Variants in ANO7 observed in about 807,000 individuals in gnomAD.
The protein encoded by ANO7 is anoctamin-7.
ANO7 carries 114 observed loss-of-function variants against 115.8 expected under a neutral mutation model. That is an observed-to-expected ratio of 0.98 (90% confidence interval 0.85 to 1.15). The LOEUF is 1.15. ANO7 is among the 50% of genes most tolerant of loss of function. ANO7 has a pLI of 0.00. For missense variants in ANO7, 1,302 were observed against 1,201.2 expected, an observed-to-expected ratio of 1.08 and a Z score of -1.24; for synonymous variants, 550 against 498.2, an observed-to-expected ratio of 1.10 and a Z score of -1.38.
chr2:241,221,636 C>G (rs563905431), intron 21 of ANO7, among the ~76,000 whole-genome samples: 93 of 151,064 alleles, frequency 6.2e-4, no homozygotes, highest in Non-Finnish European at 8.5e-4. Flanking sequence ...CTTCAGCCTC[C>G]CAAAGTGTTG....
the ANO7 span, chr2:241,240,196 G>T: frequency 7.0e-7 from 1 of 1,435,402 alleles, no homozygotes; most frequent in Admixed American, 1.7e-5. The surrounding 1 kb of genome is among the most constrained non-coding windows in gnomAD (Gnocchi z 5.5). Flanking sequence ...AAGAGGGTCT[G>T]TAGGACAGCA....
chr2:241,229,877 A>T, downstream of ANO7: 1 of 1,589,828 alleles, frequency 6.3e-7, no homozygotes, highest in Non-Finnish European at 8.6e-7. Flanking sequence ...CGCACCACAA[A>T]GCCTCTGGAA....
intron 21 of ANO7, among the ~76,000 whole-genome samples, chr2:241,219,584 T>G (rs186068294): frequency 9.1e-4 from 139 of 152,146 alleles, no homozygotes; most frequent in Middle Eastern, 3.4e-3. Context: ...TCTTTTTTTT[T>G]AGAGACTGGG....
chr2:241,230,840 G>A (rs780186842), downstream of ANO7: 57 of 1,614,062 alleles, frequency 3.5e-5, no homozygotes, highest in Admixed American at 3.2e-4. The surrounding 1 kb of genome is among the most constrained non-coding windows in gnomAD (Gnocchi z 5.0). Flanking sequence ...CCAGCGGGAC[G>A]TCCTCAGAAA....
rs746864688 is a variant in ANO7 at position 241,203,504 on chromosome 2, T to TC, written c.889+13dup. 3.2e-5 allele frequency: 47 copies of TC among 1,463,520 alleles called. No individual in the cohort carries two copies. The Middle Eastern group carries it at 5.5e-4, about 17-fold the overall frequency. 90.7% of individuals were successfully genotyped at this position (1,463,520 alleles called of 1,614,324 possible). A position where few individuals can be genotyped will look rare whatever the true frequency, so the allele number is the denominator to read the frequency against. Reference sequence around the variant, plus strand: ...CCTCTACTTCGCCTGGCTCGGTGAGTCCCCCCCGCTGCCCCCCAGACCACC... The same window carrying TC: ...CCTCTACTTCGCCTGGCTCGGTGAGTCCCCCCCCGCTGCCCCCCAGACCACC... On this transcript the variant is annotated splice_region_variant and intron_variant, in intron 9 of 24. Coordinates refer to ENST00000674324, the MANE Select transcript of ANO7 (RefSeq NM_001370694.2). The surrounding 1 kb of genome is among the most constrained non-coding windows in gnomAD (Gnocchi z 4.8).
chr2:241,230,176 T>G, downstream of ANO7: 1 of 1,613,508 alleles, frequency 6.2e-7, no homozygotes, highest in Non-Finnish European at 8.5e-7. This position sits in a 1 kb window ranked among gnomAD's most constrained non-coding sequence, Gnocchi z 5.0. Context: ...AGATTGAGGA[T>G]GTGGTCGATG....
chr2:241,217,761 G>A lies in ANO7; in HGVS notation c.2048G>A (p.Trp683Ter), dbSNP rs1358595154. 1 of 1,608,694 alleles carries A rather than the reference G, an allele frequency of 6.2e-7. No individual in the cohort carries two copies. Among genetic ancestry groups the A allele is most frequent in the African/African-American group, 1.3e-5 (1 of 74,996 alleles). ...CCGCTCTTCGCCCTGCTCAACAACT[G>A]GGTGGAGATCCGCTTGGACGCGCGC... ...LAPLFALLNNWVEIRLDARKF... is the reference protein window; with the variant it reads ...LAPLFALLNN Residue 683 changes from tryptophan (W) to a stop codon, truncating the protein, a stop_gained, in exon 20 of 25, where the codon TGG (tryptophan) becomes TAG (stop). Coordinates refer to ENST00000674324, the MANE Select transcript of ANO7 (RefSeq NM_001370694.2). LOFTEE classifies it high-confidence loss of function.
intron 11 of ANO7, among the ~76,000 whole-genome samples, chr2:241,208,018 G>A (rs778523386): frequency 1.3e-5 from 2 of 152,104 alleles, no homozygotes; most frequent in East Asian, 3.9e-4. Flanking sequence ...AAGGTTTTGA[G>A]CAGAATTCCC....
At chr2:241,235,086 G>C in the ANO7 span, 2 of 1,605,774 alleles carry the variant, frequency 1.2e-6, no homozygotes. Flanking sequence ...TGAGCACCAT[G>C]GCTCTGGGCA....
chr2:241,205,824 C>T (rs2068579843), intron 10 of ANO7, among the ~76,000 whole-genome samples: 1 of 78,370 alleles, frequency 1.3e-5, no homozygotes, highest in Non-Finnish European at 2.5e-5. Context: ...AGGAGTGCTC[C>T]CAGGCTGACA....
intron 13 of ANO7, among the ~76,000 whole-genome samples, chr2:241,210,087 A>G (rs2149218132): frequency 6.6e-6 from 1 of 152,218 alleles, no homozygotes; most frequent in Admixed American, 6.5e-5. Flanking sequence ...CCAGCCTCTA[A>G]CTCTAACCCC....
intron 11 of ANO7, among the ~76,000 whole-genome samples, chr2:241,209,042 G>A (rs943815644): frequency 1.1e-4 from 16 of 152,352 alleles, no homozygotes; most frequent in African/African-American, 2.9e-4. Context: ...CCAGCTACTT[G>A]GGAGGCTGAG....
the ANO7 span, among the ~76,000 whole-genome samples, chr2:241,234,569 A>G: frequency 6.6e-6 from 1 of 152,212 alleles, no homozygotes; most frequent in African/African-American, 2.4e-5. Context: ...AGTCTGCTCC[A>G]AGTTCCAGAA....
the ANO7 span, among the ~76,000 whole-genome samples, chr2:241,233,548 A>G: frequency 1.3e-5 from 2 of 152,124 alleles, no homozygotes. The surrounding 1 kb of genome is among the most constrained non-coding windows in gnomAD (Gnocchi z 4.3). Context: ...CCACTGATCA[A>G]GGACCCAGCT....
At chr2:241,193,041 G>A (rs1273751432) in intron 3 of ANO7, among the ~76,000 whole-genome samples, 2 of 151,974 alleles carry the variant, frequency 1.3e-5, no homozygotes, top group African/African-American at 4.8e-5. Flanking sequence ...GGTTAAGATG[G>A]TTTTTTGTTT....
Position 241,188,949 on chromosome 2 carries a change from C to A in ANO7, c.-8+183C>A, listed in dbSNP as rs559819316. On this transcript the variant is annotated intron_variant, in intron 1 of 24. Coordinates refer to ENST00000674324, the MANE Select transcript of ANO7 (RefSeq NM_001370694.2). This position sits in a 1 kb window ranked among gnomAD's most constrained non-coding sequence, Gnocchi z 4.3. ...CACGAGGAGGGACACACACTCAGTG[C>A]GGCTCTGGACGGGGTACACCCAGCT... Among the ~76,000 whole-genome samples, 2 of 152,214 alleles carry A rather than the reference C, an allele frequency of 1.3e-5. No homozygotes were observed. Among genetic ancestry groups the A allele is most frequent in the East Asian group, 3.8e-4 (2 of 5,196 alleles).
chr2:241,236,588 G>T, the ANO7 span: 1 of 1,611,596 alleles, frequency 6.2e-7, no homozygotes, highest in Non-Finnish European at 8.5e-7. Context: ...CTTGGCGGGG[G>T]GTGGAGGGGG....
the ANO7 span, among the ~76,000 whole-genome samples, chr2:241,232,558 G>A: frequency 3.3e-5 from 5 of 152,200 alleles, no homozygotes; most frequent in East Asian, 9.6e-4. Flanking sequence ...TTACAGGCGT[G>A]AGCCACTGTG....
At chr2:241,209,232 AC>A (rs1002884436) in intron 11 of ANO7, 52 bp from the exon 12 acceptor site, 68 of 1,518,626 alleles carry the variant, frequency 4.5e-5, no homozygotes, top group Admixed American at 6.1e-5. Context: ...ACTGGAAGGA[AC>A]AAGGGGCCTC....
Sources: allele counts gnomAD v4.1 joint callset (sites outside exome capture counted in the v4.1 genomes callset), GRCh38; gene constraint gnomAD v4.1.1; non-coding constraint Gnocchi (gnomAD v3.1); transcripts MANE v1.5; gene names NCBI Gene and HGNC (gene_info 2026-07-23, HGNC 2026-07-21).